The following PTPRT variants were observed in gnomAD, a reference collection of about 807,000 sequenced individuals.
PTPRT encodes protein tyrosine phosphatase receptor type T.
In PTPRT, 56 loss-of-function variants were observed where a neutral mutation model predicts 176.8. The observed-to-expected ratio is 0.32, with a 90% confidence interval of 0.26 to 0.40. The LOEUF is 0.40. Among genes scored for constraint, PTPRT ranks in the 10% least tolerant of loss-of-function variants. The probability of loss-of-function intolerance (pLI) is 1.00; values close to 1 mark genes in which losing one functional copy is unlikely to be tolerated. For synonymous variants in PTPRT, 783 were observed against 739.0 expected, an observed-to-expected ratio of 1.06 and a Z score of -0.96; for missense variants, 1,540 against 1,908.2, an observed-to-expected ratio of 0.81 and a Z score of 3.60.
At chr20:42,463,006 AC>A (rs755290597) in intron 8 of PTPRT, among the ~76,000 whole-genome samples, 43 of 152,156 alleles carry the variant, frequency 2.8e-4, no homozygotes, top group Non-Finnish European at 4.1e-4. Flanking sequence ...TTCTTCTATC[AC>A]CTGGTAGGTC....
intron 1 of PTPRT, among the ~76,000 whole-genome samples, chr20:42,998,289 T>G (rs1173034968): frequency 6.6e-6 from 1 of 152,110 alleles, no homozygotes; most frequent in African/African-American, 2.4e-5. Flanking sequence ...TACCATAAAG[T>G]TTTTTGCCCC....
At position 42,985,943 on chromosome 20, in the gene PTPRT, A is replaced by G. The variant is rs1330177873; in HGVS notation, c.89-100011T>C. ...GATGAATGAGGGTAAGAGAAGCAGA[A>G]CACAAGGTCTACATTTATGACCGTG... On this transcript the variant is annotated intron_variant, in intron 1 of 30. Coordinates refer to ENST00000373187, the MANE Select transcript of PTPRT (RefSeq NM_007050.6). Among the ~76,000 whole-genome samples the G allele has an allele frequency of 3.3e-5, 5 of 152,324 alleles. No individual in the cohort carries two copies. The Middle Eastern group carries it at 0.01, about 313-fold the overall frequency.
intron 12 of PTPRT, among the ~76,000 whole-genome samples, chr20:42,313,347 A>C (rs1003067325): frequency 1.8e-4 from 28 of 152,124 alleles, no homozygotes; most frequent in Admixed American, 1.6e-3. Flanking sequence ...ACTTGCTTTC[A>C]CTTCACTATA....
intron 15 of PTPRT, among the ~76,000 whole-genome samples, chr20:42,219,118 C>T (rs17314843): frequency 0.2 from 30,884 of 152,090 alleles, 3,478 homozygotes; most frequent in African/African-American, 0.26. Context: ...GGTCTGTCTG[C>T]GCTCCTGGGG....
chr20:42,935,898 G>C (rs1451159555), intron 1 of PTPRT, among the ~76,000 whole-genome samples: 1 of 152,136 alleles, frequency 6.6e-6, no homozygotes, highest in African/African-American at 2.4e-5. Flanking sequence ...TACAGCATGT[G>C]CCACCACATC....
At chr20:42,183,029 C>G (rs1321082022) in intron 16 of PTPRT, among the ~76,000 whole-genome samples, 1 of 151,836 alleles carries the variant, frequency 6.6e-6, no homozygotes, top group Non-Finnish European at 1.5e-5. Flanking sequence ...TTACTTAAAG[C>G]TTTATCCACT....
At chr20:42,994,132 T>C (rs1984100791) in intron 1 of PTPRT, among the ~76,000 whole-genome samples, 2 of 152,226 alleles carry the variant, frequency 1.3e-5, no homozygotes, top group Admixed American at 1.3e-4. Context: ...TCCCATTTCA[T>C]TGATCTCTCC....
chr20:43,161,224 T>C (rs1321415937), intron 1 of PTPRT, among the ~76,000 whole-genome samples: 2 of 152,242 alleles, frequency 1.3e-5, no homozygotes, highest in Non-Finnish European at 2.9e-5. Context: ...AAAATTTTGC[T>C]GATTTCTGTG....
intron 23 of PTPRT, 87 bp downstream of exon 23, chr20:42,110,246 T>G (rs1032532231): frequency 7.8e-7 from 1 of 1,282,842 alleles, no homozygotes; most frequent in African/African-American, 1.5e-5. Context: ...GAGACGAGGT[T>G]TCACCACGTT....
intron 16 of PTPRT, among the ~76,000 whole-genome samples, chr20:42,184,462 C>A (rs1180916336): frequency 6.8e-6 from 1 of 147,672 alleles, no homozygotes; most frequent in African/African-American, 2.5e-5. Flanking sequence ...TCTTCCCTCC[C>A]CTCCCCACTC....
At chr20:42,203,211 T>G (rs1162894576) in intron 15 of PTPRT, among the ~76,000 whole-genome samples, 3 of 152,172 alleles carry the variant, frequency 2.0e-5, no homozygotes, top group Non-Finnish European at 4.4e-5. Context: ...AGTTTGGGGA[T>G]CTATATCTAT....
intron 13 of PTPRT, among the ~76,000 whole-genome samples, chr20:42,277,642 C>T (rs1600769675): frequency 2.0e-5 from 3 of 152,192 alleles, no homozygotes; most frequent in South Asian, 4.2e-4. Context: ...AATGTAGAAG[C>T]CCTCTCAAAC....
chr20:42,612,371 G>A (rs2073989934), intron 7 of PTPRT, among the ~76,000 whole-genome samples: 1 of 152,148 alleles, frequency 6.6e-6, no homozygotes, highest in African/African-American at 2.4e-5. Context: ...GAAGAGGGGA[G>A]AAACACCCCC....
chr20:42,780,118 A>C, intron 4 of PTPRT, 100 bp downstream of exon 4: 3 of 928,648 alleles, frequency 3.2e-6, no homozygotes, highest in Non-Finnish European at 5.3e-6. Flanking sequence ...AGAGAGAGTG[A>C]GAGATGTTTG....
At chr20:43,078,156 G>A (rs6103142) in intron 1 of PTPRT, among the ~76,000 whole-genome samples, 1,679 of 152,330 alleles carry the variant, frequency 0.011, 28 homozygotes, top group African/African-American at 0.038. Context: ...TCCTGGCACA[G>A]AGTAAATGAC....
At chr20:43,166,186 A>G (rs966302689) in intron 1 of PTPRT, among the ~76,000 whole-genome samples, 5 of 151,880 alleles carry the variant, frequency 3.3e-5, no homozygotes, top group Non-Finnish European at 7.4e-5. Flanking sequence ...TTAGCTGGGT[A>G]TGGGGTGGTG....
At chr20:43,115,356 G>A (rs1600723393) in intron 1 of PTPRT, among the ~76,000 whole-genome samples, 1 of 152,126 alleles carries the variant, frequency 6.6e-6, no homozygotes. Flanking sequence ...GTTCATCAAG[G>A]TCAGAGAACA....
chr20:42,792,345 TGA>T (rs769841570), intron 2 of PTPRT, among the ~76,000 whole-genome samples: 1 of 152,214 alleles, frequency 6.6e-6, no homozygotes, highest in Non-Finnish European at 1.5e-5. Context: ...AATAGCTTAT[TGA>T]TAAAGCTGCC....
At chr20:42,858,388 C>T (rs912130284) in intron 2 of PTPRT, among the ~76,000 whole-genome samples, 1 of 152,116 alleles carries the variant, frequency 6.6e-6, no homozygotes, top group Non-Finnish European at 1.5e-5. Context: ...AGGGTTCTTA[C>T]CGAAGGCAGG....
Sources: allele counts gnomAD v4.1 joint callset (sites outside exome capture counted in the v4.1 genomes callset), GRCh38; gene constraint gnomAD v4.1.1; transcripts MANE v1.5; gene names NCBI Gene and HGNC (gene_info 2026-07-23, HGNC 2026-07-21).